Variants in REEP5 observed in about 807,000 individuals in gnomAD.
REEP5 encodes receptor accessory protein 5, also known as receptor expression-enhancing protein 5.
A neutral mutation model predicts 22.4 loss-of-function variants in REEP5; 24 were observed. That is an observed-to-expected ratio of 1.07 (90% confidence interval 0.78 to 1.51). The LOEUF (loss-of-function observed/expected upper bound fraction) is 1.51, where lower values mean the gene tolerates loss of function less well. REEP5 is among the 40% of genes most tolerant of loss of function. The probability of loss-of-function intolerance (pLI) is 0.00; values close to 1 mark genes in which losing one functional copy is unlikely to be tolerated. For synonymous variants in REEP5, 103 were observed against 88.6 expected (o/e 1.16, Z -0.92); for missense variants, 252 against 233.0 (o/e 1.08, Z -0.53).
intron 2 of REEP5, among the ~76,000 whole-genome samples, chr5:112,914,679 A>C (rs153565): frequency 6.6e-6 from 1 of 152,006 alleles, no homozygotes; most frequent in Non-Finnish European, 1.5e-5. Context: ...ACAACTTAGA[A>C]GGGGAACAAC....
intron 2 of REEP5, among the ~76,000 whole-genome samples, chr5:112,903,126 C>A (rs963974301): frequency 1.3e-5 from 2 of 152,122 alleles, no homozygotes; most frequent in Admixed American, 6.6e-5. Context: ...CTTTCCCAAC[C>A]CTAACTATTG....
At chr5:112,908,698 AGC>A (rs1167800064) in intron 2 of REEP5, among the ~76,000 whole-genome samples, 1 of 151,746 alleles carries the variant, frequency 6.6e-6, no homozygotes, top group Non-Finnish European at 1.5e-5. Flanking sequence ...CGACCACGAC[AGC>A]GCCCACGACC....
chr5:112,890,223 G>A (rs1476458799), intron 3 of REEP5, among the ~76,000 whole-genome samples: 1 of 150,390 alleles, frequency 6.6e-6, no homozygotes, highest in Non-Finnish European at 1.5e-5. Flanking sequence ...TTGGGAGGTC[G>A]AGACTGCAGT....
intron 4 of REEP5, among the ~76,000 whole-genome samples, chr5:112,881,143 A>AAAG (rs2150033665): frequency 6.6e-6 from 1 of 151,494 alleles, no homozygotes; most frequent in Non-Finnish European, 1.5e-5. Context: ...AAAAAAAAAA[A>AAAG]AAAAAAAAGC....
chr5:112,908,250 G>A (rs1005008444), intron 2 of REEP5, among the ~76,000 whole-genome samples: 2 of 151,268 alleles, frequency 1.3e-5, no homozygotes, highest in Admixed American at 6.6e-5. Flanking sequence ...ACAGGCACCT[G>A]CCACCACGCC....
intron 3 of REEP5, among the ~76,000 whole-genome samples, chr5:112,888,602 T>G (rs895966775): frequency 1.4e-5 from 2 of 146,524 alleles, no homozygotes; most frequent in Non-Finnish European, 3.0e-5. Context: ...TTTTTATAAC[T>G]TTTTTTTGTA....
At chr5:112,891,692 A>C in intron 3 of REEP5, 1 of 1,614,076 alleles carries the variant, frequency 6.2e-7, no homozygotes, top group Non-Finnish European at 8.5e-7. Flanking sequence ...TTTCCAGAGA[A>C]ACCAAGCCAC....
intron 4 of REEP5, among the ~76,000 whole-genome samples, chr5:112,886,306 T>TC (rs1768241789): frequency 6.6e-6 from 1 of 152,218 alleles, no homozygotes; most frequent in Admixed American, 6.5e-5. Flanking sequence ...ATGTTACAAT[T>TC]CAGAACTATA....
chr5:112,892,135 G>T (rs1372268486), intron 3 of REEP5: 1 of 1,614,192 alleles, frequency 6.2e-7, no homozygotes, highest in Non-Finnish European at 8.5e-7. Flanking sequence ...ACCACCCGTG[G>T]ATTTCAGAGT....
chr5:112,891,627 C>G (rs770144660), intron 3 of REEP5: 1 of 1,589,820 alleles, frequency 6.3e-7, no homozygotes, highest in South Asian at 1.1e-5. Context: ...AGGGGTCAGG[C>G]GGTGCTGGCA....
At chr5:112,892,150 G>A in intron 3 of REEP5, 1 of 1,614,188 alleles carries the variant, frequency 6.2e-7, no homozygotes, top group Non-Finnish European at 8.5e-7. Flanking sequence ...CAGAGTAATG[G>A]AGAAGGATCG....
intron 2 of REEP5, among the ~76,000 whole-genome samples, chr5:112,902,886 C>T (rs750294510): frequency 1.3e-5 from 2 of 152,172 alleles, no homozygotes; most frequent in Non-Finnish European, 2.9e-5. Context: ...GAAGAATTCT[C>T]TCGTGATAAC....
At chr5:112,902,290 A>T (rs1768869670) in intron 3 of REEP5, 90 bp downstream of exon 3, 2 of 1,277,338 alleles carry the variant, frequency 1.6e-6, no homozygotes, top group Non-Finnish European at 2.1e-6. Flanking sequence ...TCTGAGACAG[A>T]GCCACAGATG....
At chr5:112,904,048 T>TCTCGAACTCCTGGC (rs1335751123) in intron 2 of REEP5, among the ~76,000 whole-genome samples, 3 of 152,300 alleles carry the variant, frequency 2.0e-5, no homozygotes, top group Admixed American at 2.0e-4. Context: ...CCCAGGCTGG[T>TCTCGAACTCCTGGC]CTCGAACTCC....
intron 3 of REEP5, chr5:112,891,815 A>C: frequency 1.9e-6 from 3 of 1,591,286 alleles, no homozygotes; most frequent in Non-Finnish European, 2.6e-6. Context: ...ACTTTTATTG[A>C]AGAACAACAA....
chr5:112,906,116 T>G, intron 2 of REEP5, among the ~76,000 whole-genome samples: 1 of 152,236 alleles, frequency 6.6e-6, no homozygotes, highest in African/African-American at 2.4e-5. Flanking sequence ...CTTAGGTCCC[T>G]TGCAGTCTAG....
intron 4 of REEP5, among the ~76,000 whole-genome samples, chr5:112,880,364 G>A (rs1476517544): frequency 6.6e-6 from 1 of 152,226 alleles, no homozygotes; most frequent in Admixed American, 6.5e-5. Flanking sequence ...GTAAGATGGA[G>A]GGGAAAGGGG....
chr5:112,883,283 A>G (rs535670568), intron 4 of REEP5, among the ~76,000 whole-genome samples: 1 of 152,262 alleles, frequency 6.6e-6, no homozygotes, highest in East Asian at 1.9e-4. Flanking sequence ...CAGGAGTTTG[A>G]TATCACTCCA....
Position 112,922,062 on chromosome 5 carries a change from C to T in REEP5, c.118+11G>A. 6.3e-7 allele frequency: 1 copy of T among 1,584,976 alleles called. No individual in the cohort carries two copies. Among genetic ancestry groups the T allele is most frequent in the Non-Finnish European group, 8.6e-7 (1 of 1,166,290 alleles). On this transcript the variant is annotated intron_variant, in intron 1 of 4. Transcript: ENST00000379638. Reference sequence around the variant, plus strand: ...TGGCCCTACCAGCGGCGGCGACCCCCGGCCACCCACCAAGAGCGATGAAGC... The same window carrying T: ...TGGCCCTACCAGCGGCGGCGACCCCTGGCCACCCACCAAGAGCGATGAAGC...
Sources: allele counts gnomAD v4.1 joint callset (sites outside exome capture counted in the v4.1 genomes callset), GRCh38; gene constraint gnomAD v4.1.1; transcripts MANE v1.5; gene names NCBI Gene and HGNC (gene_info 2026-07-23, HGNC 2026-07-21).